The following DPP10 variants were observed in gnomAD, a reference collection of about 807,000 sequenced individuals.
DPP10 encodes dipeptidyl peptidase like 10.
A neutral mutation model predicts 120.9 loss-of-function variants in DPP10; 33 were observed. The observed-to-expected ratio is 0.27, with a 90% CI of 0.21 to 0.37. The LOEUF (loss-of-function observed/expected upper bound fraction) is 0.37. Ranked by LOEUF, DPP10 falls within the 10% of genes least tolerant of loss-of-function variation. The pLI, the probability that DPP10 is intolerant of heterozygous loss-of-function variation, is 1.00. For synonymous variants in DPP10, 337 were observed against 326.1 expected (o/e 1.03, Z -0.36); for missense variants, 816 against 942.8 (o/e 0.87, Z 1.76).
chr2:115,134,665 A>G (rs2050554180), intron 1 of DPP10, among the ~76,000 whole-genome samples: 1 of 152,138 alleles, frequency 6.6e-6, no homozygotes, highest in Non-Finnish European at 1.5e-5. Flanking sequence ...ATCTAAAAAG[A>G]TCAGAGTAAT....
At chr2:115,640,648 C>T (rs950044297) in intron 5 of DPP10, among the ~76,000 whole-genome samples, 2 of 152,042 alleles carry the variant, frequency 1.3e-5, no homozygotes, top group African/African-American at 4.8e-5. Flanking sequence ...GGAATCAGAT[C>T]GCAGCTGTAA....
chr2:115,434,513 C>T (rs1455113274), intron 3 of DPP10, among the ~76,000 whole-genome samples: 1 of 151,848 alleles, frequency 6.6e-6, no homozygotes, highest in Admixed American at 6.6e-5. Flanking sequence ...GAAGCACTGA[C>T]AAACTCTTCT....
At chr2:114,569,323 T>A (rs1689443632) in intron 1 of DPP10, among the ~76,000 whole-genome samples, 1 of 152,208 alleles carries the variant, frequency 6.6e-6, no homozygotes, top group Non-Finnish European at 1.5e-5. Flanking sequence ...GGGCTTAAAT[T>A]GCTGCTAAGT....
At chr2:115,394,939 A>C (rs2067573400) in intron 3 of DPP10, among the ~76,000 whole-genome samples, 1 of 152,224 alleles carries the variant, frequency 6.6e-6, no homozygotes, top group Non-Finnish European at 1.5e-5. Context: ...TTCAAGAATA[A>C]GATGATAATT....
At chr2:115,477,941 A>G (rs2075194741) in intron 3 of DPP10, among the ~76,000 whole-genome samples, 1 of 152,164 alleles carries the variant, frequency 6.6e-6, no homozygotes, top group Admixed American at 6.6e-5. Context: ...TCATGGCAGA[A>G]GGAAAAAGGG....
Position 115,475,874 on chromosome 2 carries a change from A to G in DPP10, c.272-23636A>G, listed in dbSNP as rs745630406. ...GCCTATAGCCTCTTTCTTTTGACCA[A>G]TTTTTCCATTTTGGAAAGGGAATAT... is the stretch of plus-strand genomic sequence containing the variant. On this transcript the variant is annotated intron_variant, in intron 3 of 25. Transcript: ENST00000410059. 9.9e-4 allele frequency among the ~76,000 whole-genome samples: 150 copies of G among 152,092 alleles called. 1 individual carries two copies. Among genetic ancestry groups the G allele is most frequent in the Admixed American group, 3.9e-4 (6 of 15,266 alleles).
intron 3 of DPP10, among the ~76,000 whole-genome samples, chr2:115,459,360 T>C (rs889483937): frequency 1.3e-5 from 2 of 151,898 alleles, no homozygotes; most frequent in African/African-American, 4.8e-5. Context: ...TTTCACCACA[T>C]TGGCCAGGGT....
intron 1 of DPP10, among the ~76,000 whole-genome samples, chr2:114,612,560 G>A (rs1448655463): frequency 4.1e-5 from 6 of 145,310 alleles, no homozygotes; most frequent in African/African-American, 1.7e-4. Context: ...TCAGATGACT[G>A]GAGTTCACTA....
At chr2:114,535,024 T>C (rs1440170311) in intron 1 of DPP10, among the ~76,000 whole-genome samples, 1 of 152,196 alleles carries the variant, frequency 6.6e-6, no homozygotes, top group Non-Finnish European at 1.5e-5. Flanking sequence ...TCCACTTGCT[T>C]TTGGCTTCTA....
intron 1 of DPP10, among the ~76,000 whole-genome samples, chr2:115,047,182 A>G (rs1394704221): frequency 6.6e-6 from 1 of 152,136 alleles, no homozygotes; most frequent in African/African-American, 2.4e-5. Flanking sequence ...AACTTTATAA[A>G]TTAGAAATAC....
At chr2:115,619,680 C>G (rs1266646372) in intron 5 of DPP10, among the ~76,000 whole-genome samples, 2 of 152,064 alleles carry the variant, frequency 1.3e-5, no homozygotes, top group Non-Finnish European at 2.9e-5. Flanking sequence ...TTTTTCTGAC[C>G]CAGGCATAGA....
At chr2:115,633,325 G>A (rs1053543507) in intron 5 of DPP10, among the ~76,000 whole-genome samples, 14 of 152,032 alleles carry the variant, frequency 9.2e-5, no homozygotes, top group South Asian at 8.3e-4. Context: ...GCAAACTATC[G>A]CAAGGACAGA....
At chr2:115,241,223 C>T (rs971852762) in intron 1 of DPP10, among the ~76,000 whole-genome samples, 2 of 152,104 alleles carry the variant, frequency 1.3e-5, no homozygotes, top group African/African-American at 4.8e-5. Context: ...GAGCTGAGAT[C>T]GTGCTACTGC....
At chr2:115,722,647 T>C (rs563096853) in intron 7 of DPP10, among the ~76,000 whole-genome samples, 3 of 152,190 alleles carry the variant, frequency 2.0e-5, no homozygotes, top group African/African-American at 7.2e-5. Flanking sequence ...ATCAAACATA[T>C]AGACACGTAG....
intron 1 of DPP10, among the ~76,000 whole-genome samples, chr2:114,464,775 G>A (rs1404926282): frequency 1.3e-5 from 2 of 152,162 alleles, no homozygotes; most frequent in Non-Finnish European, 2.9e-5. Context: ...TGAGGCGGGA[G>A]AATCGCTTGA....
intron 3 of DPP10, among the ~76,000 whole-genome samples, chr2:115,363,333 T>G (rs1480060016): frequency 6.6e-6 from 1 of 152,190 alleles, no homozygotes; most frequent in African/African-American, 2.4e-5. Flanking sequence ...TTTAAAAGAT[T>G]TAAAAATGTG....
intron 1 of DPP10, among the ~76,000 whole-genome samples, chr2:114,553,279 T>A (rs1688033745): frequency 6.6e-6 from 1 of 152,228 alleles, no homozygotes; most frequent in Non-Finnish European, 1.5e-5. Context: ...CATCAGCTGT[T>A]CATTTTCCCC....
chr2:114,719,215 C>CT (rs1473746066), intron 1 of DPP10, among the ~76,000 whole-genome samples: 1 of 152,162 alleles, frequency 6.6e-6, no homozygotes, highest in Non-Finnish European at 1.5e-5. Context: ...TGGTTGAGGG[C>CT]TGAGCATCTA....
chr2:115,321,011 T>C (rs1450331245), intron 2 of DPP10, among the ~76,000 whole-genome samples: 1 of 152,152 alleles, frequency 6.6e-6, no homozygotes, highest in Non-Finnish European at 1.5e-5. Context: ...TTGAAAGCTC[T>C]GTTCTTGGCT....
Sources: allele counts gnomAD v4.1 joint callset (sites outside exome capture counted in the v4.1 genomes callset), GRCh38; gene constraint gnomAD v4.1.1; transcripts MANE v1.5; gene names NCBI Gene and HGNC (gene_info 2026-07-23, HGNC 2026-07-21).